Variants in ZDHHC17 observed in about 807,000 individuals in gnomAD.
ZDHHC17 encodes the protein palmitoyltransferase ZDHHC17.
ZDHHC17 carries 40 observed loss-of-function variants against 90.3 expected under a neutral mutation model. The observed-to-expected ratio is 0.44, with a 90% CI of 0.34 to 0.58. The LOEUF (loss-of-function observed/expected upper bound fraction) is 0.58, where lower values mean the gene tolerates loss of function less well. ZDHHC17 is among the 20% of genes least tolerant of loss of function. The pLI is 0.01. For synonymous variants in ZDHHC17, 235 were observed against 252.4 expected (o/e 0.93, Z 0.65); for missense variants, 614 against 780.8 (o/e 0.79, Z 2.55).
chr12:76,827,162 ATAAT>A (rs1953240044), intron 9 of ZDHHC17, 112 bp downstream of exon 9: 3 of 1,221,260 alleles, frequency 2.5e-6, no homozygotes, highest in Admixed American at 7.6e-5. Context: ...ATTTATTTAA[ATAAT>A]TTAGACATCT....
chr12:76,790,957 A>C (rs538410755), intron 1 of ZDHHC17, among the ~76,000 whole-genome samples: 2 of 152,302 alleles, frequency 1.3e-5, no homozygotes, highest in South Asian at 4.1e-4. Context: ...ACAAACACAG[A>C]TTTTTAATGT....
At chr12:76,774,298 A>G (rs2137714851) in intron 1 of ZDHHC17, among the ~76,000 whole-genome samples, 2 of 86,886 alleles carry the variant, frequency 2.3e-5, no homozygotes, top group South Asian at 7.3e-4. Flanking sequence ...ATGTGTGTAA[A>G]TATATATATA....
In ZDHHC17 at chr12:76,809,071, G is replaced by A; in HGVS notation, c.349G>A (p.Asp117Asn). The change falls in exon 4 of 17, where the codon GAT becomes AAT. Residue 117 changes from aspartate to asparagine, a missense_variant. By Grantham distance (23) the Asp-to-Asn change is conservative. This residue lies in a region of ZDHHC17 where 358 missense variants were observed against 380.4 expected (regional missense o/e 0.94). Transcript: ENST00000426126. ...KYYISKGAIV[D>N]QLGGDLNSTP... ...CTATATTTCGAAAGGTGCTATTGTG[G>A]ATCAACTTGGAGGGGACCTGAATTC... 6.4e-7 allele frequency: 1 copy of A among 1,564,816 alleles called. No homozygotes were observed. Among genetic ancestry groups the A allele is most frequent in the Non-Finnish European group, 8.6e-7 (1 of 1,156,566 alleles).
rs529181494 is a variant in ZDHHC17, at chr12:76,768,919, GTC to G, written c.93+4596_93+4597del. Among the ~76,000 whole-genome samples the G allele has an allele frequency of 5.9e-3, 882 of 150,510 alleles. 11 individuals are homozygous for G. Among genetic ancestry groups the G allele is most frequent in the African/African-American group, 0.021 (857 of 40,892 alleles). On this transcript the variant is annotated intron_variant, in intron 1 of 16. Coordinates refer to ENST00000426126, the MANE Select transcript of ZDHHC17 (RefSeq NM_015336.4). The stretch of plus-strand genomic sequence containing the variant: ...GCTATTGCCTTTTTTTCTCATTTTC[GTC>G]TCTCTTTTTATGGTAACGTTTTTTA...
chr12:76,764,406 G>A, intron 1 of ZDHHC17, 77 bp downstream of exon 1: 1 of 1,391,676 alleles, frequency 7.2e-7, no homozygotes, highest in Non-Finnish European at 9.8e-7. Flanking sequence ...GAGGGCGGCG[G>A]CCGACGTGTG....
At chr12:76,848,131 A>T in intron 14 of ZDHHC17, 102 bp from the exon 15 acceptor site, 1 of 1,214,052 alleles carries the variant, frequency 8.2e-7, no homozygotes, top group Non-Finnish European at 1.2e-6. Context: ...AGTTAAATCT[A>T]GACTGTTTGA....
At position 76,780,563 on chromosome 12, in the gene ZDHHC17, T is replaced by C. The variant is rs147239974; in HGVS notation, c.93+16234T>C. ...GCCCAACTTCTTTGTAATAAAATTC[T>C]TAAAAAGTTGTCTGTACTTGCTGTT... On this transcript the variant is annotated intron_variant, in intron 1 of 16. Transcript: ENST00000426126. 5.7e-3 allele frequency among the ~76,000 whole-genome samples: 861 copies of C among 152,338 alleles called. 5 individuals are homozygous for C. The highest frequency in any genetic ancestry group is 0.044 in the Middle Eastern group (13 of 294).
chr12:76,790,018 G>A (rs186698505), intron 1 of ZDHHC17, among the ~76,000 whole-genome samples: 6 of 152,248 alleles, frequency 3.9e-5, no homozygotes, highest in Admixed American at 1.3e-4. Flanking sequence ...TAATAATAGT[G>A]TATCAATATT....
intron 5 of ZDHHC17, among the ~76,000 whole-genome samples, chr12:76,812,616 T>G (rs1489716762): frequency 6.6e-6 from 1 of 152,152 alleles, no homozygotes; most frequent in African/African-American, 2.4e-5. Context: ...TTTTTATTAC[T>G]TGATTTTTCA....
intron 6 of ZDHHC17, 76 bp downstream of exon 6, chr12:76,815,286 A>T (rs1269245162): frequency 1.3e-5 from 12 of 949,984 alleles, no homozygotes; most frequent in Non-Finnish European, 1.7e-5. Context: ...AGGAAAAAGC[A>T]GTTAATACTA....
intron 5 of ZDHHC17, among the ~76,000 whole-genome samples, chr12:76,813,044 T>C (rs533786643): frequency 1.3e-5 from 2 of 152,248 alleles, no homozygotes; most frequent in South Asian, 4.1e-4. Flanking sequence ...TCATTTTTCT[T>C]TTAGTACTCT....
At chr12:76,797,012 C>G (rs1435804826) in intron 1 of ZDHHC17, among the ~76,000 whole-genome samples, 4 of 152,118 alleles carry the variant, frequency 2.6e-5, no homozygotes, top group African/African-American at 9.7e-5. Context: ...TGCCTGTAAT[C>G]TCAGCACTTT....
intron 16 of ZDHHC17, among the ~76,000 whole-genome samples, 160 bp from the exon 17 acceptor site, chr12:76,850,687 G>A (rs901718022): frequency 5.3e-5 from 8 of 152,122 alleles, no homozygotes; most frequent in Non-Finnish European, 1.0e-4. Context: ...AAACATGAAG[G>A]CATATATATT....
In ZDHHC17 at chr12:76,850,655, C is replaced by A. The variant is rs114881158; in HGVS notation, c.1761-192C>A. On this transcript the variant is annotated intron_variant, in intron 16 of 16. Transcript: ENST00000426126. ...TCTTTAAATTGGCAAAAGAAAAAATCATTGTTGGCAGAGCAGTGGAGAAAC... is the reference window on the plus strand; with the variant it reads ...TCTTTAAATTGGCAAAAGAAAAAATAATTGTTGGCAGAGCAGTGGAGAAAC... Among the ~76,000 whole-genome samples, 593 of 152,174 alleles carry A rather than the reference C, an allele frequency of 3.9e-3. 8 individuals carry two copies. The highest frequency in any genetic ancestry group is 0.014 in the African/African-American group (574 of 41,496).
chr12:76,775,614 G>T (rs1478411002), intron 1 of ZDHHC17, among the ~76,000 whole-genome samples: 4 of 152,184 alleles, frequency 2.6e-5, no homozygotes, highest in African/African-American at 9.7e-5. Context: ...ATTCAGTTCA[G>T]TTGGCAGTAT....
intron 5 of ZDHHC17, among the ~76,000 whole-genome samples, chr12:76,812,242 GCCGTT>G (rs1243371449): frequency 6.6e-6 from 1 of 152,090 alleles, no homozygotes; most frequent in East Asian, 1.9e-4. Context: ...AGAGCACTGT[GCCGTT>G]TAACCCCTGG....
At position 76,837,359 on chromosome 12, in the gene ZDHHC17, G is replaced by C. The variant is rs534251415; in HGVS notation, c.1142-4623G>C. 8.5e-5 allele frequency among the ~76,000 whole-genome samples: 13 copies of C among 152,268 alleles called. 1 individual carries two copies. The South Asian group carries it at 2.7e-3, about 32-fold the overall frequency. ...AAACTAAAAAAATTAGCCGGGTGTG[G>C]TGGTGCGTGCCTATAGTCCCAGCTA... On this transcript the variant is annotated intron_variant, in intron 10 of 16. Transcript: ENST00000426126.
At chr12:76,793,791 C>T (rs1274876089) in intron 1 of ZDHHC17, among the ~76,000 whole-genome samples, 1 of 152,166 alleles carries the variant, frequency 6.6e-6, no homozygotes, top group African/African-American at 2.4e-5. Flanking sequence ...TACAATGACA[C>T]ACATACATAT....
At chr12:76,802,512 C>G (rs1388773032) in intron 2 of ZDHHC17, among the ~76,000 whole-genome samples, 1 of 152,098 alleles carries the variant, frequency 6.6e-6, no homozygotes, top group African/African-American at 2.4e-5. Context: ...CAAATATTCT[C>G]TCTGTCCCTT....
Sources: gnomAD v4.1 joint callset for allele counts (sites outside exome capture counted in the v4.1 genomes callset) on GRCh38, gnomAD v4.1.1 for gene constraint, gnomAD v4.1.1 regional missense constraint, MANE v1.5 for transcripts, NCBI Gene and HGNC (gene_info 2026-07-23, HGNC 2026-07-21) for gene names.